Variants in NFASC observed in about 807,000 individuals in gnomAD.
NFASC encodes neurofascin.
In NFASC, 43 loss-of-function variants were observed where a neutral mutation model predicts 147.5. That is an observed-to-expected ratio of 0.29 (90% CI 0.23 to 0.38). NFASC has a LOEUF of 0.38. Ranked by LOEUF, NFASC falls within the 10% of genes least tolerant of loss-of-function variation. NFASC has a pLI of 1.00. For missense variants in NFASC, 1,320 were observed against 1,689.0 expected (o/e 0.78, Z 3.83); for synonymous variants, 622 against 665.5 (o/e 0.93, Z 1.01).
chr1:204,928,585 A>G (rs2091991616), intron 2 of NFASC, among the ~76,000 whole-genome samples: 1 of 152,236 alleles, frequency 6.6e-6, no homozygotes, highest in Non-Finnish European at 1.5e-5. Flanking sequence ...ATATAAATAC[A>G]ATGACGTGAG....
chr1:204,926,407 T>TATATATATATATA (rs11373886), intron 2 of NFASC, among the ~76,000 whole-genome samples: 11 of 6,366 alleles, frequency 1.7e-3, no homozygotes, highest in African/African-American at 2.8e-3. Flanking sequence ...TATATATATA[T>TATATATATATATA]TTTTTTTTTT....
intron 11 of NFASC, among the ~76,000 whole-genome samples, chr1:204,971,538 G>T (rs984418555): frequency 2.6e-5 from 4 of 152,204 alleles, no homozygotes; most frequent in Non-Finnish European, 5.9e-5. Flanking sequence ...GGTGGAGAGG[G>T]GGGGACACAG....
chr1:204,939,315 T>C (rs549450782), intron 2 of NFASC, among the ~76,000 whole-genome samples: 13 of 152,328 alleles, frequency 8.5e-5, no homozygotes, highest in Non-Finnish European at 1.8e-4. Context: ...ACATATCATA[T>C]GTAGAGTATG....
Position 204,954,495 on chromosome 1 carries a change from T to C in NFASC, c.412+111T>C. On this transcript the variant is annotated intron_variant, in intron 6 of 29. Transcript: ENST00000339876. This position sits in a 1 kb window ranked among gnomAD's most constrained non-coding sequence, Gnocchi z 5.7. ...CCCCTGCCCTTGGCCTGCAGTTGCC[T>C]TGGTGTTCTCTATGCATCTTCCCCA... 3 of 997,938 alleles carry C rather than the reference T, an allele frequency of 3.0e-6. No individual in the cohort carries two copies. The highest frequency in any genetic ancestry group is 5.2e-5 in the East Asian group (2 of 38,652). 61.8% of individuals were successfully genotyped at this position (997,938 alleles called of 1,614,324 possible). A position where few individuals can be genotyped will look rare whatever the true frequency, so the allele number is the denominator to read the frequency against.
Position 204,944,365 on chromosome 1 carries a change from G to C in NFASC, c.50G>C (p.Cys17Ser). 1 of 1,604,504 alleles carries C rather than the reference G, an allele frequency of 6.2e-7. No homozygotes were observed. The highest frequency in any genetic ancestry group is 1.1e-5 in the South Asian group (1 of 90,868). ...TGGGTCCATGCAGCCTTCCTCCTCT[G>C]CCTCCTCAGTCTTGGCGGAGCCATC... ...PPWVHAAFLL[C>S]LLSLGGAIEI... Residue 17 changes from cysteine (C) to serine (S), a missense_variant, in exon 3 of 30, where the codon TGC (cysteine) becomes TCC (serine). Coordinates refer to ENST00000339876, the MANE Select transcript of NFASC (RefSeq NM_001005388.3).
In NFASC at chr1:204,954,297, C is replaced by T; in HGVS notation, c.325C>T (p.Pro109Ser). 1 of 1,614,128 alleles carries T rather than the reference C, an allele frequency of 6.2e-7. No homozygotes were observed. Among genetic ancestry groups the T allele is most frequent in the Non-Finnish European group, 8.5e-7 (1 of 1,180,012 alleles). The part of the protein sequence containing the change: ...LVIDFRSGGR[P>S]EEYEGEYQCF... Reference sequence around the variant, plus strand: ...GATTGACTTCCGCAGTGGCGGGCGGCCGGAGGAATATGAGGGGGAATATCA... The same window carrying T: ...GATTGACTTCCGCAGTGGCGGGCGGTCGGAGGAATATGAGGGGGAATATCA... Residue 109 changes from proline to serine, a missense_variant, in exon 6 of 30, where the codon CCG (proline) becomes TCG (serine). Transcript: ENST00000339876. This position sits in a 1 kb window ranked among gnomAD's most constrained non-coding sequence, Gnocchi z 5.7.
intron 21 of NFASC, among the ~76,000 whole-genome samples, chr1:204,985,614 G>C (rs981127168): frequency 6.6e-6 from 1 of 152,196 alleles, no homozygotes; most frequent in Non-Finnish European, 1.5e-5. Flanking sequence ...TCAGTCTCAT[G>C]ATGGAGCAGC....
chr1:204,944,403 G>A lies in NFASC; in HGVS notation c.88G>A (p.Asp30Asn). The change falls in exon 3 of 30, where the codon GAT becomes AAT. Residue 30 changes from aspartate to asparagine, a missense_variant. This residue lies in a region of NFASC where 981 missense variants were observed against 1,289.5 expected (regional missense o/e 0.76). Transcript: ENST00000339876. ...TGGCGGAGCCATCGAAATTCCTATG[G>A]ATCGTGAGTCCTGCCCCATTCTCTT... ...SLGGAIEIPM[D>N]PSIQNELTQP... 2 of 1,375,540 alleles carry A rather than the reference G, an allele frequency of 1.5e-6. No homozygotes were observed. The highest frequency in any genetic ancestry group is 1.9e-6 in the Non-Finnish European group (2 of 1,028,984). 85.2% of individuals were successfully genotyped at this position (1,375,540 alleles called of 1,614,324 possible).
intron 1 of NFASC, among the ~76,000 whole-genome samples, chr1:204,904,068 A>C (rs1186599579): frequency 6.6e-6 from 1 of 152,156 alleles, no homozygotes; most frequent in Non-Finnish European, 1.5e-5. Flanking sequence ...GCTAGGCTTC[A>C]GATTTCTTCT....
rs1191373194 is a variant in NFASC, at chr1:204,975,413, A to AAACAGGTTT, written c.1702_1706+4dup. On this transcript the variant is annotated inframe_insertion, in exon 15 of 30. Transcript: ENST00000339876. This position sits in a 1 kb window ranked among gnomAD's most constrained non-coding sequence, Gnocchi z 4.0. ...AGGATGACGAGCCGCTCTATATTGG[A>AAACAGGTTT]AACAGGTTTCTCTTCCCCCTTCCCC... 1 of 1,611,614 alleles carries AAACAGGTTT rather than the reference A, an allele frequency of 6.2e-7. No homozygotes were observed. Among genetic ancestry groups the AAACAGGTTT allele is most frequent in the Non-Finnish European group, 8.5e-7 (1 of 1,178,078 alleles).
Position 205,016,236 on chromosome 1 carries a change from A to G in NFASC, c.3492-72A>G, listed in dbSNP as rs1344174981. On this transcript the variant is annotated intron_variant, in intron 29 of 29. Transcript: ENST00000339876. This position sits in a 1 kb window ranked among gnomAD's most constrained non-coding sequence, Gnocchi z 5.1. ...GGATCCCATCCTCTCTGAGCTGTGT[A>G]GGGCATGTGCTGGCAGGAGGCCAGC... 2.0e-6 allele frequency: 2 copies of G among 1,015,810 alleles called. No homozygotes were observed. Among genetic ancestry groups the G allele is most frequent in the African/African-American group, 3.2e-5 (2 of 63,454 alleles). 62.9% of individuals were successfully genotyped at this position (1,015,810 alleles called of 1,614,324 possible).
chr1:204,884,967 T>A (rs560323865), intron 1 of NFASC, among the ~76,000 whole-genome samples: 1 of 152,004 alleles, frequency 6.6e-6, no homozygotes, highest in East Asian at 1.9e-4. Flanking sequence ...TTGGGAGAGA[T>A]CCATAAAGAA....
intron 17 of NFASC, 107 bp from the exon 18 acceptor site, chr1:204,978,861 C>G: frequency 1.2e-6 from 1 of 824,270 alleles, no homozygotes; most frequent in Non-Finnish European, 1.9e-6. Flanking sequence ...GGGTTGGATC[C>G]AGCTGGTAGC....
chr1:204,921,843 T>C (rs1189490518), intron 2 of NFASC, among the ~76,000 whole-genome samples: 11 of 152,286 alleles, frequency 7.2e-5, no homozygotes, highest in Admixed American at 7.2e-4. Context: ...AGATATAGTT[T>C]TTTTTTTTAT....
At chr1:205,004,333 G>A (rs961517128) in intron 27 of NFASC, among the ~76,000 whole-genome samples, 17 of 152,208 alleles carry the variant, frequency 1.1e-4, no homozygotes, top group Admixed American at 5.9e-4. Flanking sequence ...TTAAGCACAC[G>A]ACAGAATAAT....
At chr1:204,939,050 G>GA (rs1558170829) in intron 2 of NFASC, among the ~76,000 whole-genome samples, 2 of 150,000 alleles carry the variant, frequency 1.3e-5, no homozygotes, top group Non-Finnish European at 3.0e-5. Context: ...GTGTGTGTGT[G>GA]TGTGTGTGTG....
In NFASC at chr1:204,852,672, A is replaced by G. The variant is rs78760701; in HGVS notation, c.-200+23890A>G. ...GAGGCTCAGAAATGAGCATGGCCAC[A>G]TGGGCAGTATTCCCTTCCATCCTCT... On this transcript the variant is annotated intron_variant, in intron 1 of 29. Transcript: ENST00000339876. 7.1e-3 allele frequency among the ~76,000 whole-genome samples: 1,081 copies of G among 152,286 alleles called. 23 individuals carry two copies. The highest frequency in any genetic ancestry group is 0.025 in the African/African-American group (1,030 of 41,556).
At chr1:205,002,503 A>G (rs1451954783) in intron 26 of NFASC, 93 bp from the exon 27 acceptor site, 3 of 1,107,336 alleles carry the variant, frequency 2.7e-6, no homozygotes, top group African/African-American at 1.6e-5. Flanking sequence ...CTTCCCCCAC[A>G]CTTTCTACCT....
chr1:204,875,087 T>C (rs1313183161), intron 1 of NFASC, among the ~76,000 whole-genome samples: 1 of 150,370 alleles, frequency 6.7e-6, no homozygotes, highest in Non-Finnish European at 1.5e-5. Context: ...TTGTTGTTGT[T>C]GTTGTTGTTG....
Sources: gnomAD v4.1 joint callset for allele counts (sites outside exome capture counted in the v4.1 genomes callset) on GRCh38, gnomAD v4.1.1 for gene constraint, gnomAD v4.1.1 regional missense constraint, Gnocchi (gnomAD v3.1) non-coding constraint, MANE v1.5 for transcripts, NCBI Gene and HGNC (gene_info 2026-07-23, HGNC 2026-07-21) for gene names.